TNFAIP6: variants seen among roughly 807,000 people sequenced by gnomAD.
TNFAIP6 encodes the protein TNF alpha induced protein 6.
TNFAIP6 carries 36 observed loss-of-function variants against 33.7 expected under a neutral mutation model. The ratio of observed to expected loss-of-function variants is 1.07; its 90% CI spans 0.82 to 1.41. TNFAIP6 has a LOEUF of 1.41. Ranked by LOEUF, TNFAIP6 falls within the 40% of genes most tolerant of loss-of-function variation. The pLI, the probability that TNFAIP6 is intolerant of heterozygous loss-of-function variation, is 0.00. For missense variants in TNFAIP6, 273 were observed against 331.9 expected, an observed-to-expected ratio of 0.82 and a Z score of 1.38; for synonymous variants, 113 against 112.8, an observed-to-expected ratio of 1.00 and a Z score of -0.01.
At chr2:151,373,970 A>C (rs1047540600) in intron 5 of TNFAIP6, among the ~76,000 whole-genome samples, 2 of 152,192 alleles carry the variant, frequency 1.3e-5, no homozygotes. Flanking sequence ...TGTCACTAAA[A>C]CAATCTTACA....
chr2:151,370,090 C>G lies in TNFAIP6; in HGVS notation c.465C>G (p.Tyr155Ter). ...AATCTCCAGGCTTCCCAAATGAGTA[C>G]GAAGATAACCAAATCTGCTACTGGC... ...IFKSPGFPNE[Y>*]EDNQICYWHI... The change falls in exon 4 of 6, where the codon TAC (tyrosine) becomes TAG (stop). Residue 155 changes from tyrosine to a stop codon, truncating the protein, a stop_gained. Transcript: ENST00000243347. LOFTEE classifies it high-confidence loss of function. The G allele has an allele frequency of 6.2e-7, 1 of 1,613,914 alleles. No homozygotes were observed. The highest frequency in any genetic ancestry group is 1.1e-5 in the South Asian group (1 of 91,078).
At chr2:151,377,569 A>T (rs894304635) in intron 5 of TNFAIP6, among the ~76,000 whole-genome samples, 3 of 152,080 alleles carry the variant, frequency 2.0e-5, no homozygotes, top group African/African-American at 2.4e-5. Flanking sequence ...TATTCTCTGA[A>T]TTCTCTCACA....
At chr2:151,378,672 A>G (rs1353174259) in intron 5 of TNFAIP6, among the ~76,000 whole-genome samples, 1 of 151,784 alleles carries the variant, frequency 6.6e-6, no homozygotes, top group Non-Finnish European at 1.5e-5. Flanking sequence ...TATTTTTAAT[A>G]GAGACGGGGA....
intron 5 of TNFAIP6, among the ~76,000 whole-genome samples, chr2:151,374,350 A>G (rs983057530): frequency 1.3e-5 from 2 of 152,044 alleles, no homozygotes; most frequent in Non-Finnish European, 2.9e-5. Context: ...CCATACTGCT[A>G]TTTTCTGGCT....
rs560552055 is a variant in TNFAIP6, at chr2:151,373,352, A to G, written c.624-197A>G. On this transcript the variant is annotated intron_variant, in intron 4 of 5. Transcript: ENST00000243347. ...TAAAATAAAATATCATCAATATTGT[A>G]AGAAGATTATTTCAAATAACAAACT... 2.9e-4 allele frequency among the ~76,000 whole-genome samples: 44 copies of G among 152,332 alleles called. No individual in the cohort carries two copies. In the South Asian group the frequency reaches 8.9e-3, roughly 31 times the overall value.
At chr2:151,365,950 A>C (rs894937285) in intron 2 of TNFAIP6, 106 bp from the exon 3 acceptor site, 2 of 1,041,400 alleles carry the variant, frequency 1.9e-6, no homozygotes, top group Non-Finnish European at 1.4e-6. Context: ...ACTGGATTTG[A>C]CCAGTTAAGA....
chr2:151,378,094 C>T (rs373093965), intron 5 of TNFAIP6, among the ~76,000 whole-genome samples: 3 of 152,264 alleles, frequency 2.0e-5, no homozygotes, highest in Admixed American at 1.3e-4. Context: ...ATATTTGCAG[C>T]TCATGCCTGT....
intron 5 of TNFAIP6, among the ~76,000 whole-genome samples, chr2:151,374,525 C>T (rs1684869677): frequency 1.3e-5 from 2 of 152,170 alleles, no homozygotes; most frequent in Admixed American, 1.3e-4. Flanking sequence ...TTTCTAAGTA[C>T]TCAGATACTA....
At chr2:151,358,456 G>A (rs561108552) in intron 1 of TNFAIP6, among the ~76,000 whole-genome samples, 1 of 152,198 alleles carries the variant, frequency 6.6e-6, no homozygotes, top group Non-Finnish European at 1.5e-5. Flanking sequence ...ATCAAAAAAG[G>A]AAAATGCAGA....
intron 1 of TNFAIP6, among the ~76,000 whole-genome samples, chr2:151,361,118 C>T (rs1374940854): frequency 6.6e-6 from 1 of 152,050 alleles, no homozygotes; most frequent in Non-Finnish European, 1.5e-5. Context: ...CTCTGTCGCC[C>T]AGGCTGGGGT....
In TNFAIP6 at chr2:151,376,991, A is replaced by T. The variant is rs142081668; in HGVS notation, c.665-2373A>T. ...TCCTAGGCTCAAGTGATTTTCCCGC[A>T]CAAGGCTAATTTTTATTTTTTATTT... On this transcript the variant is annotated intron_variant, in intron 5 of 5. Transcript: ENST00000243347. 1.8e-3 allele frequency among the ~76,000 whole-genome samples: 264 copies of T among 144,972 alleles called. 1 individual carries two copies. The highest frequency in any genetic ancestry group is 6.4e-3 in the African/African-American group (249 of 38,992).
chr2:151,361,631 T>C (rs535653563), intron 1 of TNFAIP6, among the ~76,000 whole-genome samples: 1 of 152,278 alleles, frequency 6.6e-6, no homozygotes, highest in African/African-American at 2.4e-5. Flanking sequence ...GTTCCTCTAT[T>C]TCAAGATAAA....
intron 1 of TNFAIP6, among the ~76,000 whole-genome samples, chr2:151,363,014 G>A (rs1684654391): frequency 6.6e-6 from 1 of 151,780 alleles, no homozygotes; most frequent in African/African-American, 2.4e-5. Flanking sequence ...ATACAATGTT[G>A]TATTAAAAAC....
chr2:151,379,603 CTG>C lies in TNFAIP6; in HGVS notation c.*72_*73del. On this transcript the variant is annotated 3_prime_UTR_variant, in exon 6 of 6. Coordinates refer to ENST00000243347, the MANE Select transcript of TNFAIP6 (RefSeq NM_007115.4). ...ATCTTTTGGAACTCCTTTGATCTCA[CTG>C]TTATTATTAACATTTATTTATTATT... The C allele has an allele frequency of 9.5e-7, 1 of 1,056,864 alleles. No homozygotes were observed. The highest frequency in any genetic ancestry group is 3.1e-5 in the Admixed American group (1 of 32,396). The allele number at this position is 1,056,864 out of a possible 1,614,324, so 65.5% of individuals were successfully genotyped here. A position where few individuals can be genotyped will look rare whatever the true frequency, so the allele number is the denominator to read the frequency against.
chr2:151,380,901 T>C (rs1029843942), downstream of TNFAIP6, among the ~76,000 whole-genome samples: 6 of 152,194 alleles, frequency 3.9e-5, no homozygotes, highest in African/African-American at 1.2e-4. Flanking sequence ...ATAACTTTTA[T>C]TTAAGAGAAT....
intron 3 of TNFAIP6, chr2:151,368,551 T>G (rs1216258780): frequency 1.3e-5 from 2 of 151,860 alleles, no homozygotes; most frequent in African/African-American, 4.8e-5. Context: ...GTGTTTGTTT[T>G]TCTTATGACA....
chr2:151,378,833 C>T (rs372778725), intron 5 of TNFAIP6, among the ~76,000 whole-genome samples: 1 of 151,764 alleles, frequency 6.6e-6, no homozygotes, highest in Non-Finnish European at 1.5e-5. Context: ...CTCGGTGGCT[C>T]ACGCCTGTAA....
At chr2:151,361,388 A>AT (rs1684622020) in intron 1 of TNFAIP6, among the ~76,000 whole-genome samples, 1 of 152,092 alleles carries the variant, frequency 6.6e-6, no homozygotes. Context: ...ATCTCCGTTC[A>AT]TTTTTTCCGT....
chr2:151,362,406 T>G (rs1684638756), intron 1 of TNFAIP6, among the ~76,000 whole-genome samples: 2 of 152,088 alleles, frequency 1.3e-5, no homozygotes, highest in African/African-American at 4.8e-5. Flanking sequence ...GAATCTATTT[T>G]TCTTTTCCCT....
Sources: allele counts gnomAD v4.1 joint callset (sites outside exome capture counted in the v4.1 genomes callset), GRCh38; gene constraint gnomAD v4.1.1; transcripts MANE v1.5; gene names NCBI Gene and HGNC (gene_info 2026-07-23, HGNC 2026-07-21).